KANSL1L: variants seen among roughly 807,000 people sequenced by gnomAD.
KANSL1L encodes the protein KAT8 regulatory NSL complex subunit 1-like protein.
In KANSL1L, 25 loss-of-function variants were observed where a neutral mutation model predicts 108.6. The observed-to-expected ratio is 0.23, with a 90% CI of 0.17 to 0.32. The LOEUF (loss-of-function observed/expected upper bound fraction) is 0.32. Among genes scored for constraint, KANSL1L ranks in the 10% least tolerant of loss-of-function variants. KANSL1L has a pLI of 1.00. For synonymous variants in KANSL1L, 405 were observed against 395.1 expected (o/e 1.03, Z -0.30); for missense variants, 1,137 against 1,125.7 (o/e 1.01, Z -0.14).
At position 210,027,340 on chromosome 2, in the gene KANSL1L, C is replaced by A; in HGVS notation, c.2407G>T (p.Val803Phe). 1 of 1,612,626 alleles carries A rather than the reference C, an allele frequency of 6.2e-7. No individual in the cohort carries two copies. Among genetic ancestry groups the A allele is most frequent in the South Asian group, 1.1e-5 (1 of 91,016 alleles). The change falls in exon 12 of 15, where the codon GTT (valine) becomes TTT (phenylalanine). Residue 803 changes from valine to phenylalanine, a missense_variant. Around this residue, in one of 3 missense-constraint regions of KANSL1L, gnomAD observed 575 missense variants for 567.1 expected, o/e 1.01. Coordinates refer to ENST00000281772, the MANE Select transcript of KANSL1L (RefSeq NM_152519.4). ...TATTCATCCAAAGGCTGAAGAACAA[C>A]CATCCTCCAGCTGTTGAAGATAAAA... ...KEILTPSWRMVVLQPLDEYNL... is the reference protein window; with the variant it reads ...KEILTPSWRMFVLQPLDEYNL...
intron 4 of KANSL1L, 38 bp from the exon 5 acceptor site, chr2:210,098,245 A>C: frequency 6.3e-7 from 1 of 1,595,624 alleles, no homozygotes; most frequent in South Asian, 1.1e-5. Context: ...ACTGCTAAGC[A>C]AGAAATGTGA....
intron 1 of KANSL1L, among the ~76,000 whole-genome samples, chr2:210,162,061 T>C (rs545858564): frequency 1.4e-5 from 2 of 147,110 alleles, no homozygotes; most frequent in African/African-American, 5.0e-5. Context: ...CCTGTCTCTA[T>C]TTAAAAAAAA....
intron 6 of KANSL1L, among the ~76,000 whole-genome samples, chr2:210,070,712 C>A (rs1290264088): frequency 6.6e-6 from 1 of 152,182 alleles, no homozygotes; most frequent in East Asian, 1.9e-4. Flanking sequence ...AATAACAGTT[C>A]TGGAGGCTGG....
At chr2:210,048,722 G>A (rs1255875873) in intron 6 of KANSL1L, among the ~76,000 whole-genome samples, 1 of 151,542 alleles carries the variant, frequency 6.6e-6, no homozygotes, top group African/African-American at 2.4e-5. Context: ...TTAGTGTTGT[G>A]TGTTCTGTGA....
At chr2:210,035,778 C>G (rs2094094153) in intron 8 of KANSL1L, among the ~76,000 whole-genome samples, 1 of 152,146 alleles carries the variant, frequency 6.6e-6, no homozygotes, top group African/African-American at 2.4e-5. Flanking sequence ...TGTGCCTGGC[C>G]TTATTTATAG....
At chr2:210,118,984 A>G (rs1479392243) in intron 3 of KANSL1L, among the ~76,000 whole-genome samples, 2 of 152,116 alleles carry the variant, frequency 1.3e-5, no homozygotes, top group African/African-American at 4.8e-5. Context: ...CCTGGCGAAC[A>G]TGGTGAAACC....
intron 2 of KANSL1L, among the ~76,000 whole-genome samples, chr2:210,131,848 T>C (rs184762257): frequency 2.3e-3 from 355 of 152,034 alleles, no homozygotes; most frequent in African/African-American, 8.0e-3. Flanking sequence ...TACAGGCATG[T>C]ACCACCACAC....
At chr2:210,079,361 C>T (rs1298834885) in intron 5 of KANSL1L, among the ~76,000 whole-genome samples, 2 of 151,288 alleles carry the variant, frequency 1.3e-5, no homozygotes, top group Non-Finnish European at 1.5e-5. Context: ...TTTGGGAGGC[C>T]AAGGCGGGAG....
At chr2:210,147,019 G>C (rs1045068811) in intron 2 of KANSL1L, among the ~76,000 whole-genome samples, 4 of 152,114 alleles carry the variant, frequency 2.6e-5, no homozygotes, top group African/African-American at 9.7e-5. Context: ...TCCCAGCTTT[G>C]CCATTAACTA....
chr2:210,123,161 A>G lies in KANSL1L; in HGVS notation c.1230+5870T>C, dbSNP rs772750601. Among the ~76,000 whole-genome samples, 58 of 152,230 alleles carry G rather than the reference A, an allele frequency of 3.8e-4. 1 individual carries two copies. The highest frequency in any genetic ancestry group is 2.2e-3 in the Admixed American group (33 of 15,286). ...GAAAAACTAAAACTAGAACTATCCT[A>G]TGATCCAATCTTACTCCTAGGCATA... On this transcript the variant is annotated intron_variant, in intron 3 of 14. Coordinates refer to ENST00000281772, the MANE Select transcript of KANSL1L (RefSeq NM_152519.4).
chr2:210,094,886 C>T (rs1035545612), intron 5 of KANSL1L, among the ~76,000 whole-genome samples: 3 of 151,168 alleles, frequency 2.0e-5, no homozygotes, highest in Non-Finnish European at 3.0e-5. Flanking sequence ...ATTACTCAGG[C>T]TCCAAAAACA....
In KANSL1L at chr2:210,044,874, A is replaced by G. The variant is rs1194880665; in HGVS notation, c.1756-770T>C. Among the ~76,000 whole-genome samples the G allele has an allele frequency of 6.6e-6, 1 of 152,064 alleles. No individual in the cohort carries two copies. ...AACTTCTGCCTCCCGGGTTCAAGCG[A>G]TTCTCCTGCCTCAGCCTCCTGAGTA... On this transcript the variant is annotated intron_variant, in intron 6 of 14. Coordinates refer to ENST00000281772, the MANE Select transcript of KANSL1L (RefSeq NM_152519.4). The surrounding 1 kb of genome is among the most constrained non-coding windows in gnomAD (Gnocchi z 4.2).
At position 210,023,103 on chromosome 2, in the gene KANSL1L, T is replaced by C; in HGVS notation, c.2810A>G (p.Lys937Arg). The C allele has an allele frequency of 1.1e-5, 18 of 1,613,678 alleles. No homozygotes were observed. Among genetic ancestry groups the C allele is most frequent in the Non-Finnish European group, 1.4e-5 (16 of 1,179,632 alleles). The stretch of plus-strand genomic sequence containing the variant: ...TGTGCTTGACCTTTCAACCTGATCC[T>C]TTTTTTCATCTTGACATAATAAGGC... Reference protein sequence around the residue: ...MAALLCQDEKKDQVERSSTAF... With the variant: ...MAALLCQDEKRDQVERSSTAF... Residue 937 changes from lysine (K) to arginine (R), a missense_variant, in exon 15 of 15, where the codon AAG (lysine) becomes AGG (arginine). Physicochemically the swap from Lys to Arg is conservative, Grantham distance 26. This residue lies in a region of KANSL1L where 575 missense variants were observed against 567.1 expected (regional missense o/e 1.01). Transcript: ENST00000281772.
intron 1 of KANSL1L, among the ~76,000 whole-genome samples, chr2:210,159,961 G>A (rs1435793740): frequency 9.9e-5 from 15 of 152,268 alleles, no homozygotes; most frequent in Admixed American, 5.2e-4. Context: ...GTGTGAACCC[G>A]GGAGGTGGAG....
chr2:210,043,944 G>T lies in KANSL1L; in HGVS notation c.1916C>A (p.Pro639Gln). Reference protein sequence around the residue: ...DSSFHSVLSLPSDVPLHFHFE... With the variant: ...DSSFHSVLSLQSDVPLHFHFE... ...ATTGTTACAAGGAGGCTTACCTGAT[G>T]GCAATGATAGAACAGAATGGAAAGA... The change falls in exon 7 of 15, where the codon CCA (proline) becomes CAA (glutamine). Residue 639 changes from proline to glutamine, a missense_variant. By Grantham distance (76) the Pro-to-Gln change is moderately conservative (BLOSUM62 -1). This residue lies in a region of KANSL1L where 575 missense variants were observed against 567.1 expected (regional missense o/e 1.01). Transcript: ENST00000281772. 1 of 1,582,264 alleles carries T rather than the reference G, an allele frequency of 6.3e-7. No homozygotes were observed. The highest frequency in any genetic ancestry group is 8.6e-7 in the Non-Finnish European group (1 of 1,164,300).
At chr2:210,155,712 T>TA (rs2095329465) in intron 1 of KANSL1L, among the ~76,000 whole-genome samples, 1 of 152,214 alleles carries the variant, frequency 6.6e-6, no homozygotes, top group African/African-American at 2.4e-5. Context: ...CCAGTACCCT[T>TA]AAACATTATG....
At position 210,022,986 on chromosome 2, in the gene KANSL1L, A is replaced by G; in HGVS notation, c.2927T>C (p.Phe976Ser). The G allele has an allele frequency of 1.9e-6, 3 of 1,613,800 alleles. No individual in the cohort carries two copies. Among genetic ancestry groups the G allele is most frequent in the Non-Finnish European group, 2.5e-6 (3 of 1,179,802 alleles). Residue 976 changes from phenylalanine to serine, a missense_variant, in exon 15 of 15, where the codon TTT (phenylalanine) becomes TCT (serine). Physicochemically the swap from Phe to Ser is radical, Grantham distance 155. This residue lies in a region of KANSL1L where 575 missense variants were observed against 567.1 expected (regional missense o/e 1.01). Transcript: ENST00000281772. Reference sequence around the variant, plus strand: ...TTTAACATTAGTAAGTCCTAGACCAAAGGTTTTGTATTCTTCCATTCCATC... The same window carrying G: ...TTTAACATTAGTAAGTCCTAGACCAGAGGTTTTGTATTCTTCCATTCCATC... ...QSDGMEEYKT[F>S]GLGLTNVKKN...
At chr2:210,062,605 CAGAT>C (rs2094431301) in intron 6 of KANSL1L, among the ~76,000 whole-genome samples, 1 of 152,132 alleles carries the variant, frequency 6.6e-6, no homozygotes, top group South Asian at 2.1e-4. Flanking sequence ...GAGGTAGTCT[CAGAT>C]GGAGATAAGG....
Position 210,040,457 on chromosome 2 carries a change from A to G in KANSL1L, c.1992T>C (p.Asn664=). The change falls in exon 8 of 15, where the codon AAT becomes AAC. Residue 664 remains asparagine, a synonymous_variant. Transcript: ENST00000281772. Reference sequence around the variant, plus strand: ...ATATGATATATTCATCTACAAATTTATTTTCAGCAAGATTGCCTTTTATTT... The same window carrying G: ...ATATGATATATTCATCTACAAATTTGTTTTCAGCAAGATTGCCTTTTATTT... The part of the protein sequence containing the change: ...KTEIKGNLAE[N]KFVDEYIISP... 3.8e-6 allele frequency: 6 copies of G among 1,561,478 alleles called. No individual in the cohort carries two copies. Among genetic ancestry groups the G allele is most frequent in the Non-Finnish European group, 2.6e-6 (3 of 1,135,934 alleles).
Sources: gnomAD v4.1 joint callset for allele counts (sites outside exome capture counted in the v4.1 genomes callset) on GRCh38, gnomAD v4.1.1 for gene constraint, gnomAD v4.1.1 regional missense constraint, Gnocchi (gnomAD v3.1) non-coding constraint, MANE v1.5 for transcripts, NCBI Gene and HGNC (gene_info 2026-07-23, HGNC 2026-07-21) for gene names.